The following FOXN3 variants were observed in gnomAD, a reference collection of about 807,000 sequenced individuals.
The protein encoded by FOXN3 is forkhead box N3.
Under a neutral mutation model 38.4 loss-of-function variants are expected in FOXN3, and 7 were observed. The observed-to-expected ratio is 0.18, with a 90% confidence interval of 0.10 to 0.34. The LOEUF is 0.34. Among genes scored for constraint, FOXN3 ranks in the 10% least tolerant of loss-of-function variants. FOXN3 has a pLI of 1.00. For missense variants in FOXN3, 456 were observed against 613.4 expected (o/e 0.74, Z 2.71); for synonymous variants, 230 against 242.2 (o/e 0.95, Z 0.47).
intron 3 of FOXN3, chr14:89,290,717 C>T (rs753704985): frequency 5.8e-5 from 21 of 363,416 alleles, no homozygotes; most frequent in African/African-American, 1.1e-4. Context: ...TGTGGGGAGA[C>T]GTACTTTGCC....
At chr14:89,300,701 A>C (rs1034029472) in intron 3 of FOXN3, among the ~76,000 whole-genome samples, 6 of 152,256 alleles carry the variant, frequency 3.9e-5, no homozygotes, top group African/African-American at 1.2e-4. Context: ...ATGACATAGA[A>C]GGGACACCTC....
At position 89,156,359 on chromosome 14, in the gene FOXN3, A is replaced by G. The variant is rs1886979598; in HGVS notation, c.*6055T>C. The G allele has an allele frequency of 6.6e-6, 1 of 152,654 alleles. No individual in the cohort carries two copies. Among genetic ancestry groups the G allele is most frequent in the Non-Finnish European group, 1.5e-5 (1 of 68,036 alleles). The allele number at this position is 152,654 out of a possible 1,614,324, so 9.5% of individuals were successfully genotyped here. ...CAGGTATGGATGCCTTCCAAGCAAC[A>G]CCAAGTCCCTAGAGTTCGGCTGATC... On this transcript the variant is annotated 3_prime_UTR_variant, in exon 6 of 6. Coordinates refer to ENST00000557258, the MANE Select transcript of FOXN3 (RefSeq NM_005197.4).
At chr14:89,456,826 G>C (rs1892737145) in intron 1 of FOXN3, among the ~76,000 whole-genome samples, 1 of 152,216 alleles carries the variant, frequency 6.6e-6, no homozygotes, top group Non-Finnish European at 1.5e-5. Flanking sequence ...AAGCCAGTCA[G>C]AGATGGGTTA....
chr14:89,511,157 C>CTTTCTTTCTTTCTT (rs1566680845), intron 1 of FOXN3, among the ~76,000 whole-genome samples: 2 of 22,614 alleles, frequency 8.8e-5, no homozygotes, highest in African/African-American at 1.4e-4. Flanking sequence ...TTCTTTCTTT[C>CTTTCTTTCTTTCTT]TTTCTTTCTT....
chr14:89,278,182 A>C (rs1886354006), intron 4 of FOXN3, among the ~76,000 whole-genome samples: 1 of 152,170 alleles, frequency 6.6e-6, no homozygotes, highest in Non-Finnish European at 1.5e-5. Context: ...GAGGCCTCAC[A>C]ATCATGGTGG....
intron 4 of FOXN3, among the ~76,000 whole-genome samples, chr14:89,223,523 T>C (rs1352629636): frequency 6.6e-6 from 1 of 152,248 alleles, no homozygotes; most frequent in East Asian, 1.9e-4. Flanking sequence ...TTCCGAGGAC[T>C]GAACTGCATT....
intron 4 of FOXN3, among the ~76,000 whole-genome samples, chr14:89,223,668 A>G (rs980463277): frequency 2.0e-5 from 3 of 152,274 alleles, no homozygotes; most frequent in South Asian, 2.1e-4. Flanking sequence ...GTCGAGGGTG[A>G]GAGGTGGGCC....
chr14:89,524,404 G>T (rs7148854), intron 1 of FOXN3, among the ~76,000 whole-genome samples: 1 of 25,608 alleles, frequency 3.9e-5, no homozygotes, highest in East Asian at 1.8e-3. Flanking sequence ...AAAAAAAAAA[G>T]AAAGAAAGAA....
chr14:89,226,297 C>T (rs998227797), intron 4 of FOXN3, among the ~76,000 whole-genome samples: 10 of 152,046 alleles, frequency 6.6e-5, no homozygotes, highest in African/African-American at 2.4e-4. Flanking sequence ...GTGGTCATAG[C>T]TCACAGTAGC....
rs148378742 is a variant in FOXN3 at position 89,584,333 on chromosome 14, G to A, written c.-15+34695C>T. Among the ~76,000 whole-genome samples the A allele has an allele frequency of 1.7e-3, 262 of 152,160 alleles. 1 individual carries two copies. Among genetic ancestry groups the A allele is most frequent in the Middle Eastern group, 6.8e-3 (2 of 294 alleles). On this transcript the variant is annotated intron_variant, in intron 1 of 6. Transcript: ENST00000345097. ...GGAGAATCTTTTGAGCCTGGGAGGCGGAGGTTGCAGTGAACCGATATCGCA... is the reference window on the plus strand; with the variant it reads ...GGAGAATCTTTTGAGCCTGGGAGGCAGAGGTTGCAGTGAACCGATATCGCA...
intron 2 of FOXN3, among the ~76,000 whole-genome samples, chr14:89,381,531 G>GTA (rs1890647038): frequency 4.6e-4 from 2 of 4,364 alleles, no homozygotes; most frequent in Non-Finnish European, 1.3e-3. Context: ...GCCTCAAAAA[G>GTA]CAAAAAAAAA....
At chr14:89,368,004 C>T (rs1449269650) in intron 2 of FOXN3, among the ~76,000 whole-genome samples, 2 of 152,202 alleles carry the variant, frequency 1.3e-5, no homozygotes, top group African/African-American at 4.8e-5. Context: ...AGGTGTGTGT[C>T]TACCTCAGAA....
At chr14:89,353,615 A>G (rs1395672776) in intron 2 of FOXN3, 1 of 152,170 alleles carries the variant, frequency 6.6e-6, no homozygotes, top group East Asian at 1.9e-4. Context: ...TAGGGAAGCT[A>G]CTATCACTGA....
At chr14:89,432,011 G>A (rs191565295) in intron 1 of FOXN3, among the ~76,000 whole-genome samples, 5 of 152,270 alleles carry the variant, frequency 3.3e-5, no homozygotes, top group East Asian at 1.9e-4. Context: ...CACCACGCCC[G>A]GCTGTGTTGT....
At chr14:89,178,265 C>G (rs528133055) in intron 5 of FOXN3, among the ~76,000 whole-genome samples, 3 of 152,122 alleles carry the variant, frequency 2.0e-5, no homozygotes, top group Admixed American at 6.5e-5. Flanking sequence ...CCCGCCGGAG[C>G]CTCTCAGTGT....
At chr14:89,308,404 T>C (rs1268634846) in intron 3 of FOXN3, among the ~76,000 whole-genome samples, 1 of 152,274 alleles carries the variant, frequency 6.6e-6, no homozygotes, top group Admixed American at 6.5e-5. Context: ...TCCCGCACCG[T>C]TCTGTGCAGA....
At chr14:89,281,110 ATGCATTAC>A in intron 3 of FOXN3, 96 bp from the exon 4 acceptor site, 1 of 1,088,456 alleles carries the variant, frequency 9.2e-7, no homozygotes, top group Non-Finnish European at 1.4e-6. Flanking sequence ...TTCCCCAAGT[ATGCATTAC>A]TGACACCCTT....
chr14:89,608,167 AT>A (rs1896312354), intron 1 of FOXN3, among the ~76,000 whole-genome samples: 1 of 1,480 alleles, frequency 6.8e-4, no homozygotes, highest in Admixed American at 3.8e-3. Flanking sequence ...TTTAGTAGAG[AT>A]GGGGGTTTCA....
chr14:89,192,919 C>A (rs1225108071), intron 4 of FOXN3, among the ~76,000 whole-genome samples: 1 of 151,998 alleles, frequency 6.6e-6, no homozygotes, highest in Non-Finnish European at 1.5e-5. Context: ...TGGTCCCCCA[C>A]AGGGCCTGTT....
Sources: allele counts gnomAD v4.1 joint callset (sites outside exome capture counted in the v4.1 genomes callset), GRCh38; gene constraint gnomAD v4.1.1; transcripts MANE v1.5; gene names NCBI Gene and HGNC (gene_info 2026-07-23, HGNC 2026-07-21).